Variants in PPP6R3 observed in about 807,000 individuals in gnomAD.
PPP6R3 encodes serine/threonine-protein phosphatase 6 regulatory subunit 3.
PPP6R3 carries 38 observed loss-of-function variants against 110.7 expected under a neutral mutation model. The observed-to-expected ratio is 0.34, with a 90% CI of 0.26 to 0.45. The LOEUF (loss-of-function observed/expected upper bound fraction) is 0.45. Among genes scored for constraint, PPP6R3 ranks in the 20% least tolerant of loss-of-function variants. PPP6R3 has a pLI of 1.00. For synonymous variants in PPP6R3, 369 were observed against 373.5 expected (o/e 0.99, Z 0.14); for missense variants, 870 against 1,062.4 (o/e 0.82, Z 2.52).
At chr11:68,521,276 C>G (rs2099163022) in intron 2 of PPP6R3, among the ~76,000 whole-genome samples, 1 of 152,132 alleles carries the variant, frequency 6.6e-6, no homozygotes, top group Admixed American at 6.5e-5. Flanking sequence ...GAGCAAACAG[C>G]TGTAACTTCT....
Position 68,549,816 on chromosome 11 carries a change from G to A in PPP6R3, c.553-1305G>A, listed in dbSNP as rs368066023. Among the ~76,000 whole-genome samples the A allele has an allele frequency of 1.1e-3, 173 of 152,296 alleles. 7 individuals carry two copies. In the South Asian group the frequency reaches 0.033, roughly 29 times the overall value. On this transcript the variant is annotated intron_variant, in intron 5 of 23. Coordinates refer to ENST00000393800, the MANE Select transcript of PPP6R3 (RefSeq NM_001164161.2). ...GCGATAGGAGGTTGATAAAGGTGTA[G>A]GTTGGGGAAAGGTTAGTTAGAAACC...
intron 4 of PPP6R3, among the ~76,000 whole-genome samples, chr11:68,547,310 CACTCCCCCTGGG>C (rs2099353225): frequency 3.3e-5 from 5 of 152,248 alleles, no homozygotes; most frequent in African/African-American, 1.2e-4. Context: ...GCAGCTGCGA[CACTCCCCCTGGG>C]ACTCGCAGAG....
At chr11:68,469,387 A>C (rs2098772923) in intron 1 of PPP6R3, among the ~76,000 whole-genome samples, 1 of 151,650 alleles carries the variant, frequency 6.6e-6, no homozygotes, top group Admixed American at 6.6e-5. Context: ...GCTAGAGTGC[A>C]GTGGTTTTTG....
At chr11:68,472,040 T>C (rs2098795681) in intron 1 of PPP6R3, among the ~76,000 whole-genome samples, 1 of 151,806 alleles carries the variant, frequency 6.6e-6, no homozygotes, top group African/African-American at 2.4e-5. Context: ...TAAGAATGTG[T>C]GTGAATGGAA....
Position 68,519,578 on chromosome 11 carries a change from C to T in PPP6R3, c.-80C>T, listed in dbSNP as rs751919383. The T allele has an allele frequency of 7.5e-6, 3 of 398,456 alleles. No individual in the cohort carries two copies. Among genetic ancestry groups the T allele is most frequent in the Non-Finnish European group, 1.3e-5 (3 of 226,030 alleles). The allele number at this position is 398,456 out of a possible 1,614,324, so 24.7% of individuals were successfully genotyped here. A position where few individuals can be genotyped will look rare whatever the true frequency, so the allele number is the denominator to read the frequency against. The stretch of plus-strand genomic sequence containing the variant: ...CAGTAAATTGGAGGAAAACTGTTAC[C>T]AGGATAACCTGTAATGGGCAAGGAG... On this transcript the variant is annotated 5_prime_UTR_variant, in exon 2 of 24. Coordinates refer to ENST00000393800, the MANE Select transcript of PPP6R3 (RefSeq NM_001164161.2).
chr11:68,481,459 T>C (rs2153380743), intron 1 of PPP6R3, among the ~76,000 whole-genome samples: 1 of 152,338 alleles, frequency 6.6e-6, no homozygotes, highest in East Asian at 1.9e-4. Context: ...TTGAAATGCA[T>C]AGGCAATGTA....
chr11:68,573,112 TTTTATATATATATATATATATATA>T (rs2099514307), intron 12 of PPP6R3, among the ~76,000 whole-genome samples: 1 of 38,078 alleles, frequency 2.6e-5, no homozygotes, highest in Non-Finnish European at 4.8e-5. Context: ...AGTTTACTTA[TTTTATATATATATATATATATATA>T]TATATATATA....
At chr11:68,595,971 C>A in intron 18 of PPP6R3, 126 bp from the exon 19 acceptor site, 1 of 1,225,562 alleles carries the variant, frequency 8.2e-7, no homozygotes. Context: ...CCACGTGGTG[C>A]TCAGACAGAT....
intron 6 of PPP6R3, among the ~76,000 whole-genome samples, chr11:68,553,111 G>A (rs2099387196): frequency 6.6e-6 from 1 of 152,094 alleles, no homozygotes; most frequent in Non-Finnish European, 1.5e-5. Context: ...TAGAATATGA[G>A]TGTTCTGCCT....
rs1236817136 is a variant in PPP6R3, at chr11:68,511,733, G to T, written c.-157-7768G>T. ...TGACTTCAGATGATCCACCCGCCTC[G>T]GCCTCCCAAAGTGCTGGGATTACAG... is the stretch of plus-strand genomic sequence containing the variant. On this transcript the variant is annotated intron_variant, in intron 1 of 23. Transcript: ENST00000393800. Among the ~76,000 whole-genome samples the T allele has an allele frequency of 2.1e-5, 3 of 145,434 alleles. No individual in the cohort carries two copies. The South Asian group carries it at 6.5e-4, about 32-fold the overall frequency.
intron 1 of PPP6R3, among the ~76,000 whole-genome samples, chr11:68,466,815 G>A (rs1301248059): frequency 2.6e-5 from 4 of 152,196 alleles, no homozygotes; most frequent in African/African-American, 7.2e-5. Flanking sequence ...GGGTTTCTCC[G>A]TGTTAGCCAG....
At chr11:68,574,256 T>TA in intron 13 of PPP6R3, 32 bp downstream of exon 13, 1 of 1,558,444 alleles carries the variant, frequency 6.4e-7, no homozygotes, top group Non-Finnish European at 8.8e-7. Flanking sequence ...AATTACATTT[T>TA]TGTTGGGTTG....
At chr11:68,604,135 C>T (rs1938008657) in intron 22 of PPP6R3, among the ~76,000 whole-genome samples, 1 of 152,092 alleles carries the variant, frequency 6.6e-6, no homozygotes, top group African/African-American at 2.4e-5. Flanking sequence ...GAGGTCACTA[C>T]AAAACAAGGA....
chr11:68,609,685 CCT>C (rs1382228265), intron 22 of PPP6R3: 17 of 1,574,928 alleles, frequency 1.1e-5, no homozygotes, highest in Non-Finnish European at 1.5e-5. Context: ...TTACATTGTC[CCT>C]GTTTTGGTTC....
intron 1 of PPP6R3, among the ~76,000 whole-genome samples, chr11:68,517,407 A>G (rs1026676569): frequency 2.6e-5 from 4 of 152,336 alleles, no homozygotes; most frequent in Middle Eastern, 3.4e-3. Context: ...CTCAGTATCT[A>G]TGAACGTACT....
chr11:68,554,123 A>C (rs1404936363), intron 6 of PPP6R3, 22 bp from the exon 7 acceptor site: 2 of 1,540,254 alleles, frequency 1.3e-6, no homozygotes, highest in South Asian at 2.3e-5. Context: ...TTTATGGTTA[A>C]AATTGTACTT....
At chr11:68,598,110 C>G (rs2099619704) in intron 19 of PPP6R3, among the ~76,000 whole-genome samples, 1 of 152,218 alleles carries the variant, frequency 6.6e-6, no homozygotes, top group Non-Finnish European at 1.5e-5. Flanking sequence ...CAGTCCCTAG[C>G]AGCCTCCATT....
rs777281011 is a variant in PPP6R3 at position 68,551,175 on chromosome 11, CAAG to C, written c.615_617del (p.Glu205del). On this transcript the variant is annotated inframe_deletion, in exon 6 of 24. Coordinates refer to ENST00000393800, the MANE Select transcript of PPP6R3 (RefSeq NM_001164161.2). ...GCTTGTGGAAATAGTTCATCCATCG[CAAG>C]AAGAAGATGTAAGTTCACTTGTGTG... 24 of 1,606,950 alleles carry C rather than the reference CAAG, an allele frequency of 1.5e-5. No individual in the cohort carries two copies. The highest frequency in any genetic ancestry group is 1.3e-4 in the African/African-American group (10 of 74,212).
intron 1 of PPP6R3, among the ~76,000 whole-genome samples, chr11:68,507,617 G>A (rs1592220662): frequency 6.6e-6 from 1 of 152,106 alleles, no homozygotes; most frequent in East Asian, 1.9e-4. Context: ...CTTCAAACTT[G>A]GGTGCTTTAG....
Sources: gnomAD v4.1 joint callset for allele counts (sites outside exome capture counted in the v4.1 genomes callset) on GRCh38, gnomAD v4.1.1 for gene constraint, MANE v1.5 for transcripts, NCBI Gene and HGNC (gene_info 2026-07-23, HGNC 2026-07-21) for gene names.